MYRIP: variants seen among roughly 807,000 people sequenced by gnomAD.
MYRIP encodes the protein rab effector MyRIP.
A neutral mutation model predicts 98.0 loss-of-function variants in MYRIP; 49 were observed. That is an observed-to-expected ratio of 0.50 (90% CI 0.40 to 0.63). The LOEUF is 0.63. MYRIP is among the 30% of genes least tolerant of loss of function. The pLI, the probability that MYRIP is intolerant of heterozygous loss-of-function variation, is 0.00. For synonymous variants in MYRIP, 404 were observed against 409.5 expected, an observed-to-expected ratio of 0.99 and a Z score of 0.16; for missense variants, 1,004 against 1,058.2, an observed-to-expected ratio of 0.95 and a Z score of 0.71.
intron 10 of MYRIP, among the ~76,000 whole-genome samples, chr3:40,204,114 TA>T (rs1459245339): frequency 6.6e-5 from 2 of 30,354 alleles, no homozygotes; most frequent in African/African-American, 1.1e-4. Context: ...ATATAATATA[TA>T]AATATAGAGT....
chr3:39,839,282 A>T, intron 1 of MYRIP, among the ~76,000 whole-genome samples: 1 of 149,262 alleles, frequency 6.7e-6, no homozygotes. Flanking sequence ...CTTAAGACGG[A>T]GTCTCACTCT....
At chr3:40,249,177 G>GCA (rs749610148) in intron 13 of MYRIP, among the ~76,000 whole-genome samples, 15 of 152,168 alleles carry the variant, frequency 9.9e-5, no homozygotes, top group South Asian at 2.1e-4. Context: ...CATGTGTGGA[G>GCA]CACACACACA....
intron 3 of MYRIP, among the ~76,000 whole-genome samples, chr3:40,116,960 C>G (rs1418250549): frequency 2.0e-5 from 3 of 152,042 alleles, no homozygotes; most frequent in African/African-American, 7.2e-5. Flanking sequence ...GAGTGGAGGC[C>G]CAACCTCTGT....
chr3:40,189,759 G>A, intron 9 of MYRIP, 67 bp from the exon 10 acceptor site: 7 of 1,484,498 alleles, frequency 4.7e-6, no homozygotes, highest in Non-Finnish European at 5.4e-6. Context: ...GGTAACAAGT[G>A]GCAACTTCAT....
intron 3 of MYRIP, among the ~76,000 whole-genome samples, chr3:40,117,833 A>G (rs1426404717): frequency 1.3e-5 from 2 of 152,208 alleles, no homozygotes; most frequent in African/African-American, 4.8e-5. Flanking sequence ...ATAAACCCAA[A>G]TACAAAGAAG....
intron 1 of MYRIP, among the ~76,000 whole-genome samples, chr3:39,869,787 C>T (rs907562781): frequency 1.3e-5 from 2 of 152,212 alleles, no homozygotes; most frequent in Non-Finnish European, 2.9e-5. Flanking sequence ...CCTCATCTCC[C>T]TCAGAATACA....
At chr3:40,070,474 A>G (rs72871490) in intron 3 of MYRIP, among the ~76,000 whole-genome samples, 1,848 of 152,292 alleles carry the variant, frequency 0.012, 30 homozygotes, top group African/African-American at 0.04. Context: ...AATGAGGTAT[A>G]ATTCTTACCC....
chr3:40,095,431 C>T (rs567883672), intron 3 of MYRIP, among the ~76,000 whole-genome samples: 2 of 152,154 alleles, frequency 1.3e-5, no homozygotes, highest in Non-Finnish European at 1.5e-5. Context: ...TACTTCCAGA[C>T]ACCCAGAGCC....
rs550398923 is a variant in MYRIP, at chr3:39,985,815, G to A, written c.111-58235G>A. On this transcript the variant is annotated intron_variant, in intron 2 of 16. Coordinates refer to ENST00000302541, the MANE Select transcript of MYRIP (RefSeq NM_015460.4). ...CTTATACCAAAATCAATTCAAGATG[G>A]ATTAAAGACTTAAATGTTAGACCTA... Among the ~76,000 whole-genome samples the A allele has an allele frequency of 2.3e-3, 356 of 152,010 alleles. 2 individuals carry two copies. Among genetic ancestry groups the A allele is most frequent in the Middle Eastern group, 6.8e-3 (2 of 294 alleles).
chr3:40,138,258 ACT>A (rs1408166895), intron 3 of MYRIP, among the ~76,000 whole-genome samples: 2 of 151,194 alleles, frequency 1.3e-5, no homozygotes, highest in Non-Finnish European at 2.9e-5. Flanking sequence ...TTACATTCAC[ACT>A]CTGCTGGCAC....
At chr3:39,992,374 T>C (rs1433266947) in intron 2 of MYRIP, among the ~76,000 whole-genome samples, 1 of 152,166 alleles carries the variant, frequency 6.6e-6, no homozygotes, top group African/African-American at 2.4e-5. Context: ...GTGCTTCCTG[T>C]CTCCAGCTCT....
At chr3:39,910,188 C>T (rs936481724) in intron 2 of MYRIP, among the ~76,000 whole-genome samples, 6 of 152,088 alleles carry the variant, frequency 3.9e-5, no homozygotes, top group African/African-American at 7.2e-5. Context: ...CATGCCCGGC[C>T]GCATATTCTT....
chr3:39,891,162 C>T (rs1282547260), intron 1 of MYRIP, among the ~76,000 whole-genome samples: 2 of 152,026 alleles, frequency 1.3e-5, no homozygotes, highest in Non-Finnish European at 2.9e-5. Flanking sequence ...TTCACCCTGC[C>T]AAGTTCAAAC....
chr3:40,097,532 A>G (rs1297147476), intron 3 of MYRIP, among the ~76,000 whole-genome samples: 1 of 152,138 alleles, frequency 6.6e-6, no homozygotes, highest in Non-Finnish European at 1.5e-5. Flanking sequence ...ATTTCTGGCT[A>G]TATACAGATG....
chr3:40,139,607 T>A (rs186478926), intron 3 of MYRIP, among the ~76,000 whole-genome samples: 28 of 152,272 alleles, frequency 1.8e-4, no homozygotes, highest in Admixed American at 1.2e-3. Flanking sequence ...TGAGACAGGG[T>A]CGCCTTCTGT....
At chr3:40,191,715 C>G (rs1218252343) in intron 10 of MYRIP, among the ~76,000 whole-genome samples, 3 of 152,172 alleles carry the variant, frequency 2.0e-5, no homozygotes, top group Non-Finnish European at 4.4e-5. Context: ...CTCTGTAAAA[C>G]AGAAGATCAT....
At chr3:39,844,099 G>T (rs1279506534) in intron 1 of MYRIP, among the ~76,000 whole-genome samples, 1 of 152,138 alleles carries the variant, frequency 6.6e-6, no homozygotes, top group African/African-American at 2.4e-5. Context: ...AAATAACATC[G>T]CATTATGCCC....
intron 1 of MYRIP, among the ~76,000 whole-genome samples, chr3:39,831,061 T>C (rs574648934): frequency 6.6e-6 from 1 of 152,312 alleles, no homozygotes; most frequent in Non-Finnish European, 1.5e-5. Flanking sequence ...TTAATCCTAC[T>C]TGATGCACTT....
At chr3:40,062,773 A>C (rs1402623631) in intron 3 of MYRIP, among the ~76,000 whole-genome samples, 2 of 152,198 alleles carry the variant, frequency 1.3e-5, no homozygotes, top group Non-Finnish European at 2.9e-5. Context: ...TTGTGTGAAA[A>C]ATATCTATTA....
Sources: gnomAD v4.1 joint callset for allele counts (sites outside exome capture counted in the v4.1 genomes callset) on GRCh38, gnomAD v4.1.1 for gene constraint, MANE v1.5 for transcripts, NCBI Gene and HGNC (gene_info 2026-07-23, HGNC 2026-07-21) for gene names.